Variants in MYO5C observed in about 807,000 individuals in gnomAD.
The protein encoded by MYO5C is myosin VC.
Under a neutral mutation model 235.7 loss-of-function variants are expected in MYO5C, and 194 were observed. The observed-to-expected ratio is 0.82, with a 90% CI of 0.73 to 0.93. The LOEUF is 0.93. Ranked by LOEUF, MYO5C falls within the 40% of genes least tolerant of loss-of-function variation. The pLI, the probability that MYO5C is intolerant of heterozygous loss-of-function variation, is 0.00. For missense variants in MYO5C, 2,038 were observed against 2,127.2 expected (o/e 0.96, Z 0.82); for synonymous variants, 707 against 754.8 (o/e 0.94, Z 1.04).
chr15:52,294,881 G>C (rs1476701197), intron 1 of MYO5C, among the ~76,000 whole-genome samples: 3 of 152,202 alleles, frequency 2.0e-5, no homozygotes, highest in African/African-American at 7.2e-5. Flanking sequence ...TATGAAAGGC[G>C]CTTTAGAAAC....
chr15:52,218,095 T>C (rs1421692055), intron 32 of MYO5C, among the ~76,000 whole-genome samples: 1 of 152,218 alleles, frequency 6.6e-6, no homozygotes, highest in African/African-American at 2.4e-5. Flanking sequence ...GATCATTTCA[T>C]AGAAGAACAT....
At chr15:52,286,287 C>A (rs1333274099) in intron 1 of MYO5C, among the ~76,000 whole-genome samples, 3 of 148,796 alleles carry the variant, frequency 2.0e-5, no homozygotes, top group East Asian at 2.0e-4. Context: ...GCCCCCCGCC[C>A]GGCCAGCCGC....
chr15:52,279,413 T>C (rs2037118348), intron 3 of MYO5C, 96 bp downstream of exon 3: 1 of 1,293,096 alleles, frequency 7.7e-7, no homozygotes, highest in Non-Finnish European at 1.1e-6. Flanking sequence ...CAACAAACTC[T>C]GGGTGCTCAG....
chr15:52,209,121 C>G (rs1296946787), intron 35 of MYO5C, among the ~76,000 whole-genome samples: 1 of 151,982 alleles, frequency 6.6e-6, no homozygotes, highest in African/African-American at 2.4e-5. Context: ...AGGACTAGGA[C>G]TGTTGGGGAG....
At chr15:52,213,957 T>G (rs1257562538) in intron 33 of MYO5C, among the ~76,000 whole-genome samples, 2 of 151,950 alleles carry the variant, frequency 1.3e-5, no homozygotes, top group African/African-American at 4.8e-5. Context: ...GAGGTGAGAG[T>G]TGGATAAGTA....
intron 28 of MYO5C, among the ~76,000 whole-genome samples, chr15:52,224,331 A>T (rs920901110): frequency 6.6e-6 from 1 of 152,220 alleles, no homozygotes; most frequent in Non-Finnish European, 1.5e-5. Flanking sequence ...ACAGTTGTGG[A>T]TACGAGTCAT....
intron 28 of MYO5C, among the ~76,000 whole-genome samples, chr15:52,224,152 G>T (rs532554748): frequency 6.6e-6 from 1 of 152,100 alleles, no homozygotes; most frequent in Non-Finnish European, 1.5e-5. Flanking sequence ...GTGTGGTAGC[G>T]CATGCCTGTA....
At chr15:52,251,915 T>G (rs2036481451) in intron 12 of MYO5C, among the ~76,000 whole-genome samples, 1 of 152,126 alleles carries the variant, frequency 6.6e-6, no homozygotes, top group Non-Finnish European at 1.5e-5. Context: ...TCCACCCACC[T>G]TGGCCTCCCC....
intron 19 of MYO5C, 54 bp downstream of exon 19, chr15:52,244,302 T>C: frequency 1.9e-6 from 3 of 1,558,868 alleles, no homozygotes; most frequent in Non-Finnish European, 2.6e-6. Flanking sequence ...CCGCCGGAGA[T>C]GATCAGCACA....
intron 38 of MYO5C, among the ~76,000 whole-genome samples, chr15:52,197,985 C>T (rs1368080637): frequency 6.6e-6 from 1 of 152,090 alleles, no homozygotes; most frequent in Admixed American, 6.6e-5. Context: ...AAATTACATA[C>T]CAATGAAACT....
chr15:52,262,030 C>T (rs567422567), intron 9 of MYO5C, among the ~76,000 whole-genome samples: 2 of 152,176 alleles, frequency 1.3e-5, no homozygotes, highest in South Asian at 2.1e-4. Flanking sequence ...CTGGCTTTGA[C>T]GTGCCTGACC....
At position 52,274,678 on chromosome 15, in the gene MYO5C, C is replaced by CCCA. The variant is rs1555420150; in HGVS notation, c.606+883_606+884insTGG. On this transcript the variant is annotated intron_variant, in intron 5 of 40. Coordinates refer to ENST00000261839, the MANE Select transcript of MYO5C (RefSeq NM_018728.4). Reference sequence around the variant, plus strand: ...TTGCAGTGTTTCTTAGTACCCCCCCCCCGACATATGTTTCTATTTAATTTT... The same window carrying CCCA: ...TTGCAGTGTTTCTTAGTACCCCCCCCCCACCGACATATGTTTCTATTTAATTTT... Among the ~76,000 whole-genome samples the CCCA allele has an allele frequency of 4.7e-5, 7 of 147,600 alleles. No homozygotes were observed. In the East Asian group the frequency reaches 1.4e-3, roughly 30 times the overall value.
chr15:52,290,126 C>T (rs73406654), intron 1 of MYO5C, among the ~76,000 whole-genome samples: 3,932 of 152,094 alleles, frequency 0.026, 185 homozygotes, highest in African/African-American at 0.089. Flanking sequence ...CTCCCATCTC[C>T]CCCACTGGCA....
At chr15:52,209,599 C>A (rs1283548058) in intron 35 of MYO5C, among the ~76,000 whole-genome samples, 1 of 152,190 alleles carries the variant, frequency 6.6e-6, no homozygotes, top group East Asian at 1.9e-4. Context: ...TTATAGTCCT[C>A]ATACCACACA....
intron 21 of MYO5C, among the ~76,000 whole-genome samples, chr15:52,238,989 T>C (rs2036151958): frequency 6.6e-6 from 1 of 151,576 alleles, no homozygotes; most frequent in Non-Finnish European, 1.5e-5. Flanking sequence ...TTTGCTCTTG[T>C]TGCCCAGGCT....
At chr15:52,222,535 G>A (rs1403457840) in intron 29 of MYO5C, among the ~76,000 whole-genome samples, 3 of 152,178 alleles carry the variant, frequency 2.0e-5, no homozygotes, top group Non-Finnish European at 4.4e-5. Flanking sequence ...AGGCTGCTGA[G>A]ACACTGAGTA....
Position 52,248,798 on chromosome 15 carries a change from C to A in MYO5C, c.1663-15G>T. Reference sequence around the variant, plus strand: ...TTATACTCTACCTATACAGAGAAAGCAATTAATTATTCCCAAAGAGGCCAA... The same window carrying A: ...TTATACTCTACCTATACAGAGAAAGAAATTAATTATTCCCAAAGAGGCCAA... On this transcript the variant is annotated splice_polypyrimidine_tract_variant and intron_variant, in intron 13 of 40. Transcript: ENST00000261839. The A allele has an allele frequency of 1.3e-6, 2 of 1,582,788 alleles. No individual in the cohort carries two copies. Among genetic ancestry groups the A allele is most frequent in the South Asian group, 2.2e-5 (2 of 89,548 alleles).
At chr15:52,277,187 G>C (rs768512100) in intron 4 of MYO5C, 2 of 530,004 alleles carry the variant, frequency 3.8e-6, no homozygotes, top group Admixed American at 2.0e-5. Context: ...ACAGCCCTGA[G>C]GGACACTACC....
chr15:52,224,182 C>A (rs1014174982), intron 28 of MYO5C, among the ~76,000 whole-genome samples: 3 of 152,098 alleles, frequency 2.0e-5, no homozygotes, highest in African/African-American at 7.2e-5. Flanking sequence ...ACTTGGGAGG[C>A]TGAGGCACGC....
Sources: gnomAD v4.1 joint callset for allele counts (sites outside exome capture counted in the v4.1 genomes callset) on GRCh38, gnomAD v4.1.1 for gene constraint, MANE v1.5 for transcripts, NCBI Gene and HGNC (gene_info 2026-07-23, HGNC 2026-07-21) for gene names.